GPC5: variants seen among roughly 807,000 people sequenced by gnomAD.
The protein encoded by GPC5 is glypican-5.
In GPC5, 47 loss-of-function variants were observed where a neutral mutation model predicts 53.9. The ratio of observed to expected loss-of-function variants is 0.87; its 90% CI spans 0.69 to 1.11. GPC5 has a LOEUF of 1.11. GPC5 is among the 50% of genes most tolerant of loss of function. The probability of loss-of-function intolerance (pLI) is 0.00; values close to 1 mark genes in which losing one functional copy is unlikely to be tolerated. For synonymous variants in GPC5, 286 were observed against 263.3 expected (o/e 1.09, Z -0.84); for missense variants, 748 against 713.1 (o/e 1.05, Z -0.56).
At chr13:92,812,943 G>A (rs1877346473) in intron 7 of GPC5, among the ~76,000 whole-genome samples, 1 of 151,788 alleles carries the variant, frequency 6.6e-6, no homozygotes, top group Non-Finnish European at 1.5e-5. Context: ...ATTTATTTTA[G>A]ATTTTCCTCA....
chr13:91,467,425 T>C (rs1882310173), intron 2 of GPC5, among the ~76,000 whole-genome samples: 1 of 152,168 alleles, frequency 6.6e-6, no homozygotes, highest in South Asian at 2.1e-4. Context: ...TTGCGATTAA[T>C]TTAATTTCCT....
chr13:92,751,798 TTAAAA>T (rs1205911340), intron 7 of GPC5, among the ~76,000 whole-genome samples: 52 of 152,224 alleles, frequency 3.4e-4, no homozygotes, highest in Admixed American at 2.3e-3. Flanking sequence ...GGGACATGAC[TTAAAA>T]CATTAAGTTT....
intron 4 of GPC5, among the ~76,000 whole-genome samples, chr13:91,746,196 G>A (rs1298002071): frequency 4.6e-5 from 7 of 152,176 alleles, no homozygotes; most frequent in African/African-American, 1.7e-4. Flanking sequence ...CTGCTCATTA[G>A]TGCCACATTA....
At chr13:92,759,598 T>C (rs966595133) in intron 7 of GPC5, among the ~76,000 whole-genome samples, 2 of 152,090 alleles carry the variant, frequency 1.3e-5, no homozygotes, top group African/African-American at 4.8e-5. Context: ...ATTTATTGGG[T>C]TGAACAGTTT....
chr13:91,535,623 G>A (rs1365767888), intron 2 of GPC5, among the ~76,000 whole-genome samples: 1 of 152,136 alleles, frequency 6.6e-6, no homozygotes, highest in East Asian at 1.9e-4. Flanking sequence ...ATGGACACAG[G>A]CTCTCTTCTC....
chr13:92,634,776 C>G (rs538815706), intron 7 of GPC5, among the ~76,000 whole-genome samples: 1 of 151,940 alleles, frequency 6.6e-6, no homozygotes, highest in South Asian at 2.1e-4. Context: ...AAGGAAGAGT[C>G]CTACATTTTC....
At chr13:91,704,307 A>G (rs149612040) in intron 3 of GPC5, among the ~76,000 whole-genome samples, 1 of 152,192 alleles carries the variant, frequency 6.6e-6, no homozygotes, top group East Asian at 1.9e-4. Flanking sequence ...TACCACCTCT[A>G]TACTCTTTTG....
intron 7 of GPC5, among the ~76,000 whole-genome samples, chr13:92,703,262 A>G (rs1308919903): frequency 6.6e-6 from 1 of 151,764 alleles, no homozygotes; most frequent in Non-Finnish European, 1.5e-5. Context: ...AATTAAAAAT[A>G]GAGAATAGGG....
At chr13:92,468,020 T>C (rs1878765851) in intron 7 of GPC5, among the ~76,000 whole-genome samples, 1 of 152,134 alleles carries the variant, frequency 6.6e-6, no homozygotes, top group Admixed American at 6.6e-5. Flanking sequence ...TTAATGTTTC[T>C]AGATTAACTT....
chr13:91,444,663 C>T (rs771808044), intron 1 of GPC5, among the ~76,000 whole-genome samples: 1 of 152,054 alleles, frequency 6.6e-6, no homozygotes, highest in Non-Finnish European at 1.5e-5. Context: ...TGTCTTGAAT[C>T]CCTGTTCTGT....
At chr13:92,102,116 A>G (rs898386115) in intron 6 of GPC5, among the ~76,000 whole-genome samples, 2 of 152,218 alleles carry the variant, frequency 1.3e-5, no homozygotes, top group Non-Finnish European at 2.9e-5. Context: ...TTTCCTTAAG[A>G]AAACAAACAG....
At chr13:92,328,054 G>T (rs1413163636) in intron 7 of GPC5, among the ~76,000 whole-genome samples, 1 of 152,152 alleles carries the variant, frequency 6.6e-6, no homozygotes, top group African/African-American at 2.4e-5. Flanking sequence ...AAGGAGCTTT[G>T]CGTACACCTC....
chr13:92,840,168 T>C lies in GPC5; in HGVS notation c.1562-26114T>C, dbSNP rs2138832548. On this transcript the variant is annotated intron_variant, in intron 7 of 7. Transcript: ENST00000377067. ...TCTTTTTTGACCGACATATTTCACT[T>C]AGCATAATGTCCCCAAGGTTCATCC... Among the ~76,000 whole-genome samples the C allele has an allele frequency of 3.4e-5, 5 of 147,788 alleles. No homozygotes were observed. The South Asian group carries it at 1.1e-3, about 32-fold the overall frequency.
chr13:92,196,943 G>C (rs908400331), intron 7 of GPC5, among the ~76,000 whole-genome samples: 1 of 152,178 alleles, frequency 6.6e-6, no homozygotes, highest in Non-Finnish European at 1.5e-5. Flanking sequence ...ATTTATTTGG[G>C]TAGGCCTGCT....
chr13:92,482,080 G>A (rs920768495), intron 7 of GPC5, among the ~76,000 whole-genome samples: 10 of 151,820 alleles, frequency 6.6e-5, no homozygotes, highest in Admixed American at 2.6e-4. Context: ...GCAGTGAGCC[G>A]AGATCGCACC....
At chr13:91,430,327 G>A (rs1223477463) in intron 1 of GPC5, among the ~76,000 whole-genome samples, 1 of 152,202 alleles carries the variant, frequency 6.6e-6, no homozygotes, top group Non-Finnish European at 1.5e-5. Context: ...ATAGCCAACT[G>A]TGCCCTTGGG....
chr13:91,722,715 T>C (rs1388714426), intron 3 of GPC5, among the ~76,000 whole-genome samples: 1 of 152,170 alleles, frequency 6.6e-6, no homozygotes, highest in African/African-American at 2.4e-5. Context: ...GAGAAGCAAC[T>C]TGTGGAAAAC....
chr13:92,767,536 C>T (rs766901941), intron 7 of GPC5, among the ~76,000 whole-genome samples: 3 of 152,148 alleles, frequency 2.0e-5, no homozygotes, highest in African/African-American at 4.8e-5. Context: ...ACTTTCTTTT[C>T]GTATTTGCAT....
chr13:91,844,062 T>C (rs2038820932), intron 5 of GPC5, among the ~76,000 whole-genome samples: 2 of 152,106 alleles, frequency 1.3e-5, no homozygotes, highest in Admixed American at 6.6e-5. Context: ...AGTCTCATGG[T>C]AGATGAGATT....
Sources: gnomAD v4.1 joint callset for allele counts (sites outside exome capture counted in the v4.1 genomes callset) on GRCh38, gnomAD v4.1.1 for gene constraint, MANE v1.5 for transcripts, NCBI Gene and HGNC (gene_info 2026-07-23, HGNC 2026-07-21) for gene names.